Variants in NCALD observed in about 807,000 individuals in gnomAD.
NCALD encodes neurocalcin delta.
NCALD carries 10 observed loss-of-function variants against 18.6 expected under a neutral mutation model. The ratio of observed to expected loss-of-function variants is 0.54; its 90% CI spans 0.33 to 0.91. NCALD has a LOEUF of 0.91. NCALD is among the 40% of genes least tolerant of loss of function. The pLI is 0.03. For missense variants in NCALD, 184 were observed against 247.6 expected, an observed-to-expected ratio of 0.74 and a Z score of 1.72; for synonymous variants, 88 against 87.4, an observed-to-expected ratio of 1.01 and a Z score of -0.04.
At chr8:101,884,543 T>C (rs1816606346) in intron 4 of NCALD, among the ~76,000 whole-genome samples, 1 of 152,196 alleles carries the variant, frequency 6.6e-6, no homozygotes, top group African/African-American at 2.4e-5. Flanking sequence ...CTCAAGTTAG[T>C]AGGTACTTAG....
intron 1 of NCALD, among the ~76,000 whole-genome samples, chr8:102,086,035 A>G (rs1165053347): frequency 6.6e-6 from 1 of 152,206 alleles, no homozygotes; most frequent in Non-Finnish European, 1.5e-5. Flanking sequence ...AAGAGTCAGC[A>G]GTAAACATTG....
chr8:101,879,557 A>C (rs118152831), intron 4 of NCALD, among the ~76,000 whole-genome samples: 1 of 152,148 alleles, frequency 6.6e-6, no homozygotes, highest in African/African-American at 2.4e-5. Flanking sequence ...CAAAACCACC[A>C]CTGTGTGGTG....
At chr8:101,781,764 T>C (rs183588523) in intron 1 of NCALD, among the ~76,000 whole-genome samples, 1 of 152,312 alleles carries the variant, frequency 6.6e-6, no homozygotes, top group Admixed American at 6.5e-5. Flanking sequence ...GATGGTGTTT[T>C]TGTTGGCTAC....
chr8:101,905,301 C>T (rs1173072237), intron 3 of NCALD, among the ~76,000 whole-genome samples: 1 of 150,556 alleles, frequency 6.6e-6, no homozygotes, highest in Non-Finnish European at 1.5e-5. Flanking sequence ...CTCTCTCTCT[C>T]TGGTGTATTT....
At chr8:101,835,138 G>T (rs1295465934) in intron 4 of NCALD, among the ~76,000 whole-genome samples, 1 of 151,906 alleles carries the variant, frequency 6.6e-6, no homozygotes, top group Non-Finnish European at 1.5e-5. Context: ...CAGATAAAAA[G>T]CAGTGTGCTT....
intron 4 of NCALD, among the ~76,000 whole-genome samples, chr8:101,877,674 G>A (rs757729418): frequency 6.6e-6 from 1 of 152,184 alleles, no homozygotes; most frequent in Non-Finnish European, 1.5e-5. Flanking sequence ...GACTCCCTAG[G>A]AGAAATCCTG....
intron 4 of NCALD, among the ~76,000 whole-genome samples, chr8:101,845,669 G>A (rs965171793): frequency 6.6e-6 from 1 of 152,152 alleles, no homozygotes; most frequent in Non-Finnish European, 1.5e-5. Flanking sequence ...TCATTTCTTT[G>A]TGTTGGAACA....
chr8:102,097,627 G>T (rs1026474300), intron 1 of NCALD, among the ~76,000 whole-genome samples: 2 of 152,148 alleles, frequency 1.3e-5, no homozygotes, highest in African/African-American at 4.8e-5. Context: ...TTGCTTACTT[G>T]TTAGCATCCC....
chr8:101,909,170 C>T (rs764858304), intron 3 of NCALD, among the ~76,000 whole-genome samples: 2 of 152,206 alleles, frequency 1.3e-5, no homozygotes, highest in Admixed American at 1.3e-4. Context: ...CCCATCAGAG[C>T]ACCCATTCTA....
intron 1 of NCALD, among the ~76,000 whole-genome samples, chr8:101,729,711 A>G (rs936821636): frequency 6.6e-6 from 1 of 152,214 alleles, no homozygotes; most frequent in Non-Finnish European, 1.5e-5. Context: ...AGCCCAGGAA[A>G]TCATCTTGTC....
At chr8:101,699,786 G>A (rs933934125) in intron 2 of NCALD, among the ~76,000 whole-genome samples, 3 of 152,138 alleles carry the variant, frequency 2.0e-5, no homozygotes, top group Non-Finnish European at 4.4e-5. Flanking sequence ...GGGAGGGAGA[G>A]CATTAGGACA....
intron 2 of NCALD, among the ~76,000 whole-genome samples, chr8:101,990,912 A>G (rs1821022016): frequency 6.6e-6 from 1 of 152,172 alleles, no homozygotes; most frequent in Non-Finnish European, 1.5e-5. Flanking sequence ...TCCCCTGAGC[A>G]CACAGCAGAC....
chr8:101,950,748 C>T (rs1819382988), intron 2 of NCALD, among the ~76,000 whole-genome samples: 1 of 152,136 alleles, frequency 6.6e-6, no homozygotes, highest in Non-Finnish European at 1.5e-5. Context: ...GCCTGTTGGT[C>T]CAAGAAGAAT....
intron 1 of NCALD, among the ~76,000 whole-genome samples, chr8:101,779,651 T>C (rs1370136932): frequency 6.6e-6 from 1 of 152,134 alleles, no homozygotes; most frequent in Non-Finnish European, 1.5e-5. Context: ...CGGATTGCCC[T>C]TTTTTATATA....
At chr8:102,021,441 T>G (rs1385531370) in intron 1 of NCALD, among the ~76,000 whole-genome samples, 5 of 152,226 alleles carry the variant, frequency 3.3e-5, no homozygotes, top group Non-Finnish European at 7.3e-5. Context: ...TTTTATTTTA[T>G]ACATATTAAA....
chr8:102,069,287 C>G (rs1003657498), intron 1 of NCALD, among the ~76,000 whole-genome samples: 4 of 151,548 alleles, frequency 2.6e-5, no homozygotes. Context: ...CATATTGTAT[C>G]CCATTATATA....
intron 2 of NCALD, among the ~76,000 whole-genome samples, chr8:101,997,653 C>T (rs192914154): frequency 6.6e-6 from 1 of 152,318 alleles, no homozygotes; most frequent in African/African-American, 2.4e-5. Context: ...CTAAAGAAAA[C>T]ATTTTCAGGT....
intron 1 of NCALD, among the ~76,000 whole-genome samples, chr8:102,089,261 G>A (rs1257517990): frequency 4.6e-5 from 7 of 152,134 alleles, no homozygotes; most frequent in Non-Finnish European, 8.8e-5. Context: ...AGGCATGGCG[G>A]CAGGCACCTG....
chr8:102,001,475 T>C (rs535178148), intron 2 of NCALD, among the ~76,000 whole-genome samples: 1 of 152,238 alleles, frequency 6.6e-6, no homozygotes, highest in East Asian at 1.9e-4. Flanking sequence ...CAGGAGAACT[T>C]CCCCAATCTG....
Sources: allele counts gnomAD v4.1 joint callset (sites outside exome capture counted in the v4.1 genomes callset), GRCh38; gene constraint gnomAD v4.1.1; transcripts MANE v1.5; gene names NCBI Gene and HGNC (gene_info 2026-07-23, HGNC 2026-07-21).